The following DOCK8 variants were observed in gnomAD, a reference collection of about 807,000 sequenced individuals.
The protein encoded by DOCK8 is dedicator of cytokinesis protein 8.
A neutral mutation model predicts 245.6 loss-of-function variants in DOCK8; 141 were observed. The observed-to-expected ratio is 0.57, with a 90% CI of 0.50 to 0.66. The LOEUF (loss-of-function observed/expected upper bound fraction) is 0.66, where lower values mean the gene tolerates loss of function less well. DOCK8 is among the 30% of genes least tolerant of loss of function. The pLI, the probability that DOCK8 is intolerant of heterozygous loss-of-function variation, is 0.00. For missense variants in DOCK8, 2,965 were observed against 2,603.4 expected, an observed-to-expected ratio of 1.14 and a Z score of -3.02; for synonymous variants, 1,168 against 970.2, an observed-to-expected ratio of 1.20 and a Z score of -3.79.
At position 441,905 on chromosome 9, in the gene DOCK8, C is replaced by T. The variant is rs775544616; in HGVS notation, c.5386C>T (p.Arg1796Ter). ...TAAGAGAATGTTTGGAACCTACTTC[C>T]GAGTTGGTTTCTTTGGATCCAAATT... ...DHKRMFGTYFRVGFFGSKFGD... is the reference protein window; with the variant it reads ...DHKRMFGTYF The change falls in exon 42 of 48, where the codon CGA (arginine) becomes TGA (stop). Residue 1796 changes from arginine to a stop codon, truncating the protein, a stop_gained. Coordinates refer to ENST00000432829, the MANE Select transcript of DOCK8 (RefSeq NM_203447.4). LOFTEE classifies it high-confidence loss of function. 1 of 1,614,060 alleles carries T rather than the reference C, an allele frequency of 6.2e-7. No individual in the cohort carries two copies. Among genetic ancestry groups the T allele is most frequent in the Non-Finnish European group, 8.5e-7 (1 of 1,180,000 alleles).
At chr9:240,233 G>A (rs565910442) in intron 1 of DOCK8, among the ~76,000 whole-genome samples, 1 of 152,094 alleles carries the variant, frequency 6.6e-6, no homozygotes. Context: ...GTACAAACTG[G>A]CAAGGTCAAT....
chr9:252,042 C>A (rs904218951), intron 1 of DOCK8, among the ~76,000 whole-genome samples: 2 of 143,460 alleles, frequency 1.4e-5, no homozygotes, highest in Non-Finnish European at 3.0e-5. Flanking sequence ...GGTGAGATCT[C>A]GGCTCACTGC....
chr9:403,447 T>C (rs1229632880), intron 26 of DOCK8, among the ~76,000 whole-genome samples: 1 of 152,188 alleles, frequency 6.6e-6, no homozygotes, highest in African/African-American at 2.4e-5. Context: ...TACATAGAAG[T>C]CATATGTTTT....
At chr9:449,323 C>G (rs1265758252) in intron 44 of DOCK8, among the ~76,000 whole-genome samples, 2 of 152,000 alleles carry the variant, frequency 1.3e-5, no homozygotes, top group Non-Finnish European at 2.9e-5. Flanking sequence ...GCACTCCAGC[C>G]TAGACAACAA....
intron 26 of DOCK8, among the ~76,000 whole-genome samples, chr9:404,524 G>C (rs1305123878): frequency 6.6e-6 from 1 of 152,116 alleles, no homozygotes; most frequent in Non-Finnish European, 1.5e-5. Flanking sequence ...TATTCTATTA[G>C]TTTCATACAG....
At chr9:444,335 A>AATAATAAT (rs2057181875) in intron 43 of DOCK8, among the ~76,000 whole-genome samples, 2 of 143,622 alleles carry the variant, frequency 1.4e-5, no homozygotes, top group Admixed American at 7.0e-5. Flanking sequence ...AAAACAAAGC[A>AATAATAAT]AATAATAATA....
At chr9:218,294 G>C (rs1306696322) in intron 1 of DOCK8, among the ~76,000 whole-genome samples, 1 of 152,156 alleles carries the variant, frequency 6.6e-6, no homozygotes, top group African/African-American at 2.4e-5. Context: ...TGTTAATGAA[G>C]TATTCAAATC....
In DOCK8 at chr9:252,731, G is replaced by A. The variant is rs13440184; in HGVS notation, c.54-18896G>A. Among the ~76,000 whole-genome samples, 944 of 151,412 alleles carry A rather than the reference G, an allele frequency of 6.2e-3. 6 individuals carry two copies. The highest frequency in any genetic ancestry group is 0.021 in the African/African-American group (880 of 41,216). On this transcript the variant is annotated intron_variant, in intron 1 of 47. Transcript: ENST00000432829. ...AGGCAGGAGAATTGCTTGAACCCGG[G>A]AGGTCGCAGTGAGCCGAGATCACAC...
Position 463,574 on chromosome 9 carries a change from T to G in DOCK8, c.6126T>G (p.Tyr2042Ter). 1 of 1,614,116 alleles carries G rather than the reference T, an allele frequency of 6.2e-7. No homozygotes were observed. Among genetic ancestry groups the G allele is most frequent in the Non-Finnish European group, 8.5e-7 (1 of 1,180,014 alleles). ...TCATCACGGCAGACCAGAGGGAATA[T>G]CAGCAGGAACTCAAAAAGAACTATA... ...KRLITADQREYQQELKKNYNK... is the reference protein window; with the variant it reads ...KRLITADQRE The change falls in exon 47 of 48, where the codon TAT becomes TAG. Residue 2042 changes from tyrosine (Y) to a stop codon, truncating the protein, a stop_gained. Coordinates refer to ENST00000432829, the MANE Select transcript of DOCK8 (RefSeq NM_203447.4). LOFTEE classifies it high-confidence loss of function.
chr9:377,385 G>A (rs2053563345), intron 20 of DOCK8, among the ~76,000 whole-genome samples, 174 bp downstream of exon 20: 1 of 152,062 alleles, frequency 6.6e-6, no homozygotes, highest in Non-Finnish European at 1.5e-5. Context: ...CTCTCTGCAT[G>A]TTGGAAAGAA....
At chr9:333,269 C>T (rs1379355125) in intron 10 of DOCK8, among the ~76,000 whole-genome samples, 6 of 152,236 alleles carry the variant, frequency 3.9e-5, no homozygotes, top group African/African-American at 1.4e-4. Context: ...GATATCTTTT[C>T]TCAACAGCAA....
intron 46 of DOCK8, among the ~76,000 whole-genome samples, chr9:458,861 C>T (rs2057721648): frequency 6.6e-6 from 1 of 152,076 alleles, no homozygotes; most frequent in Non-Finnish European, 1.5e-5. Flanking sequence ...GGCAGCATGA[C>T]TACTCTCTCT....
chr9:394,643 C>A (rs1325246694), intron 24 of DOCK8, among the ~76,000 whole-genome samples: 1 of 152,194 alleles, frequency 6.6e-6, no homozygotes, highest in Non-Finnish European at 1.5e-5. Flanking sequence ...TGAGCCAGAC[C>A]TTGGAGAAAT....
chr9:228,437 T>C (rs1287831965), intron 1 of DOCK8, among the ~76,000 whole-genome samples: 1 of 152,176 alleles, frequency 6.6e-6, no homozygotes, highest in African/African-American at 2.4e-5. Context: ...TTTCAGAACA[T>C]GGTACTGTTT....
intron 7 of DOCK8, among the ~76,000 whole-genome samples, chr9:319,124 C>A (rs954435003): frequency 6.6e-6 from 1 of 151,274 alleles, no homozygotes; most frequent in Non-Finnish European, 1.5e-5. Context: ...TAGTGAGACC[C>A]CCTCTCTACC....
At chr9:223,490 A>G (rs370430087) in intron 1 of DOCK8, among the ~76,000 whole-genome samples, 144 of 152,274 alleles carry the variant, frequency 9.5e-4, no homozygotes, top group South Asian at 1.0e-3. Flanking sequence ...CGTGACTTCA[A>G]AGTATTCCTC....
intron 5 of DOCK8, among the ~76,000 whole-genome samples, chr9:310,167 T>A (rs1245763530): frequency 1.3e-5 from 2 of 152,036 alleles, no homozygotes; most frequent in South Asian, 2.1e-4. Context: ...CTCAGGAGGC[T>A]GAGGCAAAAG....
intron 28 of DOCK8, among the ~76,000 whole-genome samples, chr9:408,606 G>A (rs565614328): frequency 9.2e-5 from 14 of 152,282 alleles, no homozygotes; most frequent in South Asian, 8.3e-4. Flanking sequence ...AAAGAAAATT[G>A]CCTTCATGCA....
intron 35 of DOCK8, 45 bp downstream of exon 35, chr9:428,541 A>C: frequency 1.2e-6 from 2 of 1,610,582 alleles, no homozygotes; most frequent in Non-Finnish European, 1.7e-6. Flanking sequence ...TAAGAGTAAG[A>C]TTCTCATCTA....
Sources: allele counts gnomAD v4.1 joint callset (sites outside exome capture counted in the v4.1 genomes callset), GRCh38; gene constraint gnomAD v4.1.1; transcripts MANE v1.5; gene names NCBI Gene and HGNC (gene_info 2026-07-23, HGNC 2026-07-21).